Variants in PITRM1 observed in about 807,000 individuals in gnomAD.
PITRM1 encodes pitrilysin metallopeptidase 1.
A neutral mutation model predicts 129.9 loss-of-function variants in PITRM1; 100 were observed. The observed-to-expected ratio is 0.77, with a 90% CI of 0.65 to 0.91. PITRM1 has a LOEUF of 0.91. Among genes scored for constraint, PITRM1 ranks in the 40% least tolerant of loss-of-function variants. The pLI is 0.00. For synonymous variants in PITRM1, 591 were observed against 508.8 expected, an observed-to-expected ratio of 1.16 and a Z score of -2.17; for missense variants, 1,471 against 1,318.3, an observed-to-expected ratio of 1.12 and a Z score of -1.79.
chr10:3,153,618 CA>C (rs34012124), intron 14 of PITRM1, among the ~76,000 whole-genome samples: 42 of 137,260 alleles, frequency 3.1e-4, no homozygotes, highest in Middle Eastern at 7.8e-3. Flanking sequence ...GACTCCGTCT[CA>C]AAAAAAAAAC....
Position 3,165,289 on chromosome 10 carries a change from C to G in PITRM1, c.579G>C (p.Gln193His), listed in dbSNP as rs1396757197. The G allele has an allele frequency of 6.3e-7, 1 of 1,588,090 alleles. No individual in the cohort carries two copies. The highest frequency in any genetic ancestry group is 1.2e-5 in the South Asian group (1 of 86,662). Residue 193 changes from glutamine to histidine, a missense_variant, in exon 6 of 27, where the codon CAG becomes CAC. Coordinates refer to ENST00000224949, the MANE Select transcript of PITRM1 (RefSeq NM_014889.4). ...RLEHENPSDP[Q>H]TPLVFKGVVF... is the part of the protein sequence containing the mutation. ...CGACTCCTTTAAAGACCAAGGGCGT[C>G]TGGGGGTCGCTCGGATTCTCATGTT...
intron 20 of PITRM1, 28 bp from the exon 21 acceptor site, chr10:3,145,744 A>C (rs1018200977): frequency 6.7e-7 from 1 of 1,495,046 alleles, no homozygotes. Context: ...TATACATAAA[A>C]CCACTGTTAG....
intron 2 of PITRM1, chr10:3,167,958 C>A (rs547809175): frequency 1.2e-4 from 18 of 152,220 alleles, no homozygotes; most frequent in African/African-American, 4.1e-4. Flanking sequence ...CGTGGAAGGT[C>A]ATCTCCTACT....
At chr10:3,160,517 A>T (rs1842356966) in intron 7 of PITRM1, among the ~76,000 whole-genome samples, 187 bp from the exon 8 acceptor site, 2 of 152,172 alleles carry the variant, frequency 1.3e-5, no homozygotes, top group South Asian at 4.1e-4. Context: ...AAATTCATGT[A>T]ACTTATTACA....
chr10:3,149,394 A>C (rs904757402), intron 16 of PITRM1: 1 of 384,398 alleles, frequency 2.6e-6, no homozygotes, highest in South Asian at 8.2e-5. Flanking sequence ...GAGATCTATA[A>C]GTATCTCCTT....
At chr10:3,142,540 G>A (rs529315725) in intron 23 of PITRM1, among the ~76,000 whole-genome samples, 1 of 152,268 alleles carries the variant, frequency 6.6e-6, no homozygotes, top group South Asian at 2.1e-4. Flanking sequence ...CCCCAAAGGT[G>A]CACGTCTGTG....
chr10:3,143,162 C>T (rs754343457), intron 23 of PITRM1: 5 of 558,018 alleles, frequency 9.0e-6, no homozygotes, highest in African/African-American at 1.9e-5. Context: ...TAGGACTCCT[C>T]AATAATAGAA....
chr10:3,156,521 A>G (rs1285301118), intron 13 of PITRM1, among the ~76,000 whole-genome samples: 1 of 152,258 alleles, frequency 6.6e-6, no homozygotes, highest in African/African-American at 2.4e-5. Flanking sequence ...TACAAAGCAA[A>G]GAACAGGCAA....
intron 23 of PITRM1, among the ~76,000 whole-genome samples, chr10:3,141,270 A>C (rs528287489): frequency 1.1e-3 from 157 of 144,916 alleles, no homozygotes; most frequent in African/African-American, 3.7e-3. Flanking sequence ...CACAATTTTC[A>C]AACAGTTGGC....
chr10:3,147,837 A>AG (rs1213670049), intron 18 of PITRM1, 100 bp from the exon 19 acceptor site: 2 of 1,275,016 alleles, frequency 1.6e-6, no homozygotes, highest in Non-Finnish European at 2.2e-6. Context: ...TTTAACAACC[A>AG]AAGAAATTTT....
At chr10:3,145,747 ACTGTT>A in intron 20 of PITRM1, 31 bp from the exon 21 acceptor site, 1 of 1,485,448 alleles carries the variant, frequency 6.7e-7, no homozygotes, top group African/African-American at 1.4e-5. Context: ...ACATAAAACC[ACTGTT>A]AGAAAAAACA....
In PITRM1 at chr10:3,157,039, T is replaced by C; in HGVS notation, c.1373A>G (p.Asp458Gly). The change falls in exon 13 of 27, where the codon GAT (aspartate) becomes GGT (glycine). Residue 458 changes from aspartate (D) to glycine (G), a missense_variant. Coordinates refer to ENST00000224949, the MANE Select transcript of PITRM1 (RefSeq NM_014889.4). ...TSYIASCWNH[D>G]GDPVELLKLG... is the part of the protein sequence containing the mutation. ...CTTCAAGAGCTCCACAGGGTCCCCATCATGGTTCCAGCAAGAAGCTATGTA... is the reference window on the plus strand; with the variant it reads ...CTTCAAGAGCTCCACAGGGTCCCCACCATGGTTCCAGCAAGAAGCTATGTA... 4.3e-6 allele frequency: 7 copies of C among 1,610,286 alleles called. No individual in the cohort carries two copies. Among genetic ancestry groups the C allele is most frequent in the South Asian group, 1.1e-5 (1 of 90,322 alleles).
chr10:3,158,217 T>C (rs1218716332), intron 10 of PITRM1, 64 bp from the exon 11 acceptor site: 2 of 894,900 alleles, frequency 2.2e-6, no homozygotes, highest in African/African-American at 3.3e-5. Context: ...CCTCGTAATA[T>C]GCTTGATTTA....
intron 9 of PITRM1, 67 bp downstream of exon 9, chr10:3,159,781 G>A (rs972745729): frequency 3.7e-5 from 35 of 936,088 alleles, no homozygotes; most frequent in Admixed American, 2.2e-4. Flanking sequence ...ACTCACTTCC[G>A]AACCTTCTAA....
Position 3,172,101 on chromosome 10 carries a change from C to T in PITRM1, c.56+616G>A, listed in dbSNP as rs148568141. On this transcript the variant is annotated intron_variant, in intron 1 of 26. Transcript: ENST00000224949. The stretch of plus-strand genomic sequence containing the variant: ...CTTATCAAGGACATGATAGGAAACT[C>T]CTGAGCGGTAAGGCCAGGCCGAACT... 1,227 of 442,922 alleles carry T rather than the reference C, an allele frequency of 2.8e-3. 3 individuals carry two copies. The highest frequency in any genetic ancestry group is 2.5e-3 in the Non-Finnish European group (565 of 222,414). The allele number at this position is 442,922 out of a possible 1,614,324, so 27.4% of individuals were successfully genotyped here. A position where few individuals can be genotyped will look rare whatever the true frequency, so the allele number is the denominator to read the frequency against.
At chr10:3,145,962 T>C in intron 20 of PITRM1, 2 of 476,706 alleles carry the variant, frequency 4.2e-6, no homozygotes, top group South Asian at 4.6e-5. Flanking sequence ...CCTGTGACTC[T>C]AAACTCTAGT....
chr10:3,148,804 A>T (rs1239115202), intron 16 of PITRM1: 1 of 153,352 alleles, frequency 6.5e-6, no homozygotes, highest in Non-Finnish European at 1.5e-5. Flanking sequence ...TGCTAATGCC[A>T]GCAATAATTG....
intron 20 of PITRM1, 85 bp downstream of exon 20, chr10:3,147,065 T>A: frequency 2.3e-5 from 16 of 699,940 alleles, no homozygotes; most frequent in Non-Finnish European, 3.6e-5. Flanking sequence ...CACTCTATCT[T>A]GAAGTTTCTA....
chr10:3,145,454 C>T (rs994393746), intron 21 of PITRM1, 142 bp downstream of exon 21: 2 of 689,992 alleles, frequency 2.9e-6, no homozygotes, highest in Admixed American at 2.8e-5. Context: ...CCTCCTGAAC[C>T]TCAGTTTCTT....
Sources: allele counts gnomAD v4.1 joint callset (sites outside exome capture counted in the v4.1 genomes callset), GRCh38; gene constraint gnomAD v4.1.1; transcripts MANE v1.5; gene names NCBI Gene and HGNC (gene_info 2026-07-23, HGNC 2026-07-21).